Variants in SOBP observed in about 807,000 individuals in gnomAD.
The protein encoded by SOBP is sine oculis binding protein homolog.
In SOBP, 4 loss-of-function variants were observed where a neutral mutation model predicts 53.6. The observed-to-expected ratio is 0.07, with a 90% CI of 0.04 to 0.17. The LOEUF (loss-of-function observed/expected upper bound fraction) is 0.17. SOBP is among the 10% of genes least tolerant of loss of function. The pLI, the probability that SOBP is intolerant of heterozygous loss-of-function variation, is 1.00. For synonymous variants in SOBP, 584 were observed against 522.6 expected, an observed-to-expected ratio of 1.12 and a Z score of -1.60; for missense variants, 1,088 against 1,204.7, an observed-to-expected ratio of 0.90 and a Z score of 1.43.
chr6:107,537,897 GA>G lies in SOBP; in HGVS notation c.573+4290del, dbSNP rs1372652497. 4.0e-5 allele frequency among the ~76,000 whole-genome samples: 6 copies of G among 151,294 alleles called. 1 individual carries two copies. In the South Asian group the frequency reaches 1.3e-3, roughly 32 times the overall value. On this transcript the variant is annotated intron_variant, in intron 4 of 6. Transcript: ENST00000317357. ...GTTCCCCAGCAGATCACAGTGGGAA[GA>G]AACCAATGTGGCTCAGAGATGAGGA...
chr6:107,544,089 T>C (rs967475024), intron 4 of SOBP, among the ~76,000 whole-genome samples: 2 of 152,174 alleles, frequency 1.3e-5, no homozygotes, highest in Admixed American at 1.3e-4. Flanking sequence ...TGTGGGGAGC[T>C]AGATGCTTTG....
intron 6 of SOBP, among the ~76,000 whole-genome samples, chr6:107,640,056 G>A (rs941084589): frequency 1.2e-4 from 19 of 152,134 alleles, no homozygotes; most frequent in African/African-American, 4.3e-4. Flanking sequence ...TGGCTTTTTG[G>A]AGTTTAATTA....
chr6:107,616,489 C>T (rs1786796156), intron 5 of SOBP, among the ~76,000 whole-genome samples: 1 of 152,236 alleles, frequency 6.6e-6, no homozygotes, highest in South Asian at 2.1e-4. Context: ...TCTCTGGTCA[C>T]AAGGGTAGAC....
intron 3 of SOBP, among the ~76,000 whole-genome samples, chr6:107,525,051 CT>C (rs1783622249): frequency 6.6e-6 from 1 of 152,118 alleles, no homozygotes; most frequent in Non-Finnish European, 1.5e-5. Context: ...TCATGGAAGT[CT>C]TTTTTAAAAA....
intron 5 of SOBP, among the ~76,000 whole-genome samples, chr6:107,600,725 T>C (rs1043496899): frequency 2.6e-5 from 4 of 152,176 alleles, no homozygotes; most frequent in African/African-American, 9.7e-5. Flanking sequence ...GCCAAGATAT[T>C]AGTTTCCATA....
chr6:107,555,919 C>T (rs894354211), intron 4 of SOBP, among the ~76,000 whole-genome samples: 1 of 152,134 alleles, frequency 6.6e-6, no homozygotes, highest in African/African-American at 2.4e-5. Context: ...GATATTCCTC[C>T]CCTATAAACT....
Position 107,659,851 on chromosome 6 carries a change from C to A in SOBP, c.*1648C>A, listed in dbSNP as rs111704376. ...GTGAGAGCTTGGGGGACACACCTGG[C>A]GAGCAAGCTCGCTTTTTAAAAATGA... On this transcript the variant is annotated 3_prime_UTR_variant, in exon 7 of 7. Transcript: ENST00000317357. The A allele has an allele frequency of 7.2e-6, 1 of 138,062 alleles. No individual in the cohort carries two copies. Among genetic ancestry groups the A allele is most frequent in the East Asian group, 2.4e-4 (1 of 4,186 alleles). 8.6% of individuals were successfully genotyped at this position (138,062 alleles called of 1,614,324 possible). A position where few individuals can be genotyped will look rare whatever the true frequency, so the allele number is the denominator to read the frequency against.
At position 107,633,997 on chromosome 6, in the gene SOBP, A is replaced by T; in HGVS notation, c.1153A>T (p.Met385Leu). Reference sequence around the variant, plus strand: ...TGGCGTCCCGCCTCGGAGCCCTCCCATGGTGATGACCAACCGCGGCCCGGT... The same window carrying T: ...TGGCGTCCCGCCTCGGAGCCCTCCCTTGGTGATGACCAACCGCGGCCCGGT... ...PLGVPPRSPP[M>L]VMTNRGPVPL... is the part of the protein sequence containing the mutation. The change falls in exon 6 of 7, where the codon ATG (methionine) becomes TTG (leucine). Residue 385 changes from methionine (M) to leucine (L), a missense_variant. Met to Leu is a conservative substitution (Grantham distance 15). Around this residue, in one of 6 missense-constraint regions of SOBP, gnomAD observed 211 missense variants for 258.9 expected, o/e 0.82. Transcript: ENST00000317357. 1.2e-6 allele frequency: 2 copies of T among 1,613,824 alleles called. No individual in the cohort carries two copies. Among genetic ancestry groups the T allele is most frequent in the South Asian group, 1.1e-5 (1 of 91,054 alleles).
chr6:107,563,568 G>A (rs779992241), intron 4 of SOBP, among the ~76,000 whole-genome samples: 1 of 151,844 alleles, frequency 6.6e-6, no homozygotes, highest in Admixed American at 6.6e-5. Context: ...AGCATCATTA[G>A]TAAAAATAAG....
At chr6:107,621,882 G>C (rs1341312087) in intron 5 of SOBP, among the ~76,000 whole-genome samples, 1 of 152,150 alleles carries the variant, frequency 6.6e-6, no homozygotes, top group Non-Finnish European at 1.5e-5. Flanking sequence ...GAATTTGGGG[G>C]TCAAGTGTTT....
chr6:107,586,540 T>G (rs1785574412), intron 4 of SOBP, among the ~76,000 whole-genome samples: 3 of 152,146 alleles, frequency 2.0e-5, no homozygotes, highest in Non-Finnish European at 4.4e-5. Flanking sequence ...TTTTACTGCA[T>G]TTGATTGAAG....
intron 5 of SOBP, among the ~76,000 whole-genome samples, chr6:107,618,842 C>G (rs188680611): frequency 1.3e-5 from 2 of 152,292 alleles, no homozygotes; most frequent in East Asian, 3.9e-4. Context: ...TCATGACATC[C>G]TGTCGGGCTT....
intron 1 of SOBP, among the ~76,000 whole-genome samples, chr6:107,500,305 C>T (rs545956017): frequency 3.3e-5 from 5 of 150,608 alleles, no homozygotes; most frequent in African/African-American, 7.3e-5. Flanking sequence ...ACTTGAGCCC[C>T]GGAGGTGGAG....
At chr6:107,585,158 C>T (rs1237749728) in intron 4 of SOBP, among the ~76,000 whole-genome samples, 2 of 152,156 alleles carry the variant, frequency 1.3e-5, no homozygotes, top group Admixed American at 6.5e-5. Flanking sequence ...TTACTATCCA[C>T]GTATGGGTTT....
intron 5 of SOBP, among the ~76,000 whole-genome samples, chr6:107,589,357 C>T (rs913985413): frequency 6.6e-6 from 1 of 152,160 alleles, no homozygotes; most frequent in African/African-American, 2.4e-5. Context: ...GCCAGGTAGA[C>T]GGGACATTGC....
At position 107,635,476 on chromosome 6, in the gene SOBP, ATGTC is replaced by A. The variant is rs753500859; in HGVS notation, c.*3+8_*3+11del. Reference sequence around the variant, plus strand: ...AAATCAGAATAAGTAAAAGGTTTGTATGTCCGCCGGGCGCTCCTCCACACCAGCC... The same window carrying A: ...AAATCAGAATAAGTAAAAGGTTTGTACGCCGGGCGCTCCTCCACACCAGCC... On this transcript the variant is annotated splice_region_variant and intron_variant, in intron 6 of 6. Transcript: ENST00000317357. This position sits in a 1 kb window ranked among gnomAD's most constrained non-coding sequence, Gnocchi z 4.5. 6.2e-7 allele frequency: 1 copy of A among 1,612,088 alleles called. No individual in the cohort carries two copies. The highest frequency in any genetic ancestry group is 1.3e-5 in the African/African-American group (1 of 74,896).
At chr6:107,567,791 C>T (rs1161773308) in intron 4 of SOBP, among the ~76,000 whole-genome samples, 1 of 152,160 alleles carries the variant, frequency 6.6e-6, no homozygotes, top group Non-Finnish European at 1.5e-5. Context: ...AAAGCAGCTG[C>T]TTATACCTGG....
intron 1 of SOBP, among the ~76,000 whole-genome samples, chr6:107,500,153 A>AG (rs1216323149): frequency 6.6e-6 from 1 of 152,134 alleles, no homozygotes; most frequent in Non-Finnish European, 1.5e-5. Flanking sequence ...GCACTTTGGG[A>AG]GGCCGAAGCA....
At chr6:107,521,563 C>T (rs1783486836) in intron 3 of SOBP, among the ~76,000 whole-genome samples, 1 of 152,168 alleles carries the variant, frequency 6.6e-6, no homozygotes, top group East Asian at 1.9e-4. Context: ...ACTTAACCAC[C>T]TAAGCCCATC....
Sources: allele counts gnomAD v4.1 joint callset (sites outside exome capture counted in the v4.1 genomes callset), GRCh38; gene constraint gnomAD v4.1.1; regional missense constraint gnomAD v4.1.1; non-coding constraint Gnocchi (gnomAD v3.1); transcripts MANE v1.5; gene names NCBI Gene and HGNC (gene_info 2026-07-23, HGNC 2026-07-21).